The following NEDD4L variants were observed in gnomAD, a reference collection of about 807,000 sequenced individuals.
The protein encoded by NEDD4L is NEDD4 like E3 ubiquitin protein ligase.
Under a neutral mutation model 148.9 loss-of-function variants are expected in NEDD4L, and 54 were observed. That is an observed-to-expected ratio of 0.36 (90% CI 0.29 to 0.45). The LOEUF is 0.45. Ranked by LOEUF, NEDD4L falls within the 20% of genes least tolerant of loss-of-function variation. NEDD4L has a pLI of 1.00. For synonymous variants in NEDD4L, 433 were observed against 440.7 expected (o/e 0.98, Z 0.22); for missense variants, 856 against 1,233.8 (o/e 0.69, Z 4.59).
intron 5 of NEDD4L, among the ~76,000 whole-genome samples, chr18:58,311,148 C>A (rs1046784979): frequency 1.3e-5 from 2 of 152,046 alleles, no homozygotes; most frequent in African/African-American, 2.4e-5. Flanking sequence ...AAGAAATTAA[C>A]CTTAGATCAC....
intron 2 of NEDD4L, among the ~76,000 whole-genome samples, chr18:58,187,580 G>A (rs2039614492): frequency 6.6e-6 from 1 of 152,084 alleles, no homozygotes; most frequent in South Asian, 2.1e-4. Flanking sequence ...GATGAAAATA[G>A]GACTTTTTTT....
chr18:58,327,647 C>T (rs2059422307), intron 9 of NEDD4L, among the ~76,000 whole-genome samples: 1 of 152,148 alleles, frequency 6.6e-6, no homozygotes, highest in African/African-American at 2.4e-5. Flanking sequence ...TATTGGGATA[C>T]AGTATAAGTT....
intron 5 of NEDD4L, among the ~76,000 whole-genome samples, chr18:58,281,101 C>T (rs1041447651): frequency 6.6e-6 from 1 of 152,184 alleles, no homozygotes; most frequent in Non-Finnish European, 1.5e-5. Flanking sequence ...CCTCAGCCTC[C>T]TGAGTAGCTT....
intron 1 of NEDD4L, 120 bp downstream of exon 1, chr18:58,044,828 A>G: frequency 7.8e-7 from 1 of 1,277,262 alleles, no homozygotes; most frequent in South Asian, 1.7e-5. Context: ...GGGGAGCCCC[A>G]AAGCGGGAGC....
At chr18:58,191,820 TC>T (rs2064685528) in intron 2 of NEDD4L, among the ~76,000 whole-genome samples, 1 of 152,150 alleles carries the variant, frequency 6.6e-6, no homozygotes, top group Admixed American at 6.5e-5. Context: ...TCTGGGAAAC[TC>T]CAATGCTGGG....
chr18:58,296,010 A>G (rs1411964134), intron 5 of NEDD4L, among the ~76,000 whole-genome samples: 1 of 152,146 alleles, frequency 6.6e-6, no homozygotes, highest in Non-Finnish European at 1.5e-5. Context: ...GTGGGCACAC[A>G]CCAAAAGGCT....
At chr18:58,380,711 T>C (rs4940677) in intron 24 of NEDD4L, among the ~76,000 whole-genome samples, 46,470 of 151,950 alleles carry the variant, frequency 0.31, 7,367 homozygotes, top group Middle Eastern at 0.4. Context: ...TTCTTAATGC[T>C]ATCCCTCCCC....
chr18:58,151,190 A>G (rs2034684725), intron 1 of NEDD4L, among the ~76,000 whole-genome samples: 3 of 152,218 alleles, frequency 2.0e-5, no homozygotes, highest in Admixed American at 2.0e-4. Flanking sequence ...TGTCTGGTAC[A>G]GCATCCTGGA....
intron 1 of NEDD4L, among the ~76,000 whole-genome samples, chr18:58,082,703 C>CGGAGGTTGCAGTGAGT (rs1359106459): frequency 1.4e-5 from 2 of 146,566 alleles, no homozygotes; most frequent in Non-Finnish European, 3.0e-5. Flanking sequence ...ACCTGGGAAG[C>CGGAGGTTGCAGTGAGT]GGAGGTTGCA....
chr18:58,120,720 C>A (rs147832142), intron 1 of NEDD4L, among the ~76,000 whole-genome samples: 1 of 152,124 alleles, frequency 6.6e-6, no homozygotes, highest in South Asian at 2.1e-4. Flanking sequence ...GCGGAGCTTG[C>A]GGTGAGCCGA....
intron 5 of NEDD4L, among the ~76,000 whole-genome samples, chr18:58,272,819 G>C (rs2051255132): frequency 6.6e-6 from 1 of 152,170 alleles, no homozygotes; most frequent in East Asian, 1.9e-4. Flanking sequence ...TAGTACATAA[G>C]ACAGATGTGG....
At chr18:58,169,783 C>CTAT (rs2037341093) in intron 2 of NEDD4L, among the ~76,000 whole-genome samples, 1 of 152,178 alleles carries the variant, frequency 6.6e-6, no homozygotes, top group Non-Finnish European at 1.5e-5. Context: ...GTGGCCCATC[C>CTAT]TATGTTCACC....
chr18:58,138,677 G>A (rs970437966), intron 1 of NEDD4L, among the ~76,000 whole-genome samples: 2 of 152,086 alleles, frequency 1.3e-5, no homozygotes, highest in African/African-American at 4.8e-5. Flanking sequence ...TGGCATATCT[G>A]GTCTGGTGGG....
At chr18:58,071,811 T>C (rs2082885411) in intron 1 of NEDD4L, among the ~76,000 whole-genome samples, 1 of 152,200 alleles carries the variant, frequency 6.6e-6, no homozygotes, top group South Asian at 2.1e-4. Flanking sequence ...CAGGCAAGAA[T>C]AGGAGTTGTG....
chr18:58,175,589 A>G (rs959858794), intron 2 of NEDD4L, among the ~76,000 whole-genome samples: 1 of 152,210 alleles, frequency 6.6e-6, no homozygotes, highest in Non-Finnish European at 1.5e-5. Context: ...CACAACATCA[A>G]CACTAATGGC....
chr18:58,249,455 T>C (rs1273872757), intron 4 of NEDD4L, among the ~76,000 whole-genome samples: 2 of 152,210 alleles, frequency 1.3e-5, no homozygotes, highest in African/African-American at 2.4e-5. Context: ...CCTCAACCTT[T>C]TATATTTAAT....
chr18:58,325,593 A>T (rs1052161028), intron 9 of NEDD4L, among the ~76,000 whole-genome samples: 1 of 152,200 alleles, frequency 6.6e-6, no homozygotes, highest in Admixed American at 6.5e-5. Context: ...ACTCTCTTCA[A>T]TGCATTGATT....
chr18:58,072,514 T>G (rs2082919188), intron 1 of NEDD4L, among the ~76,000 whole-genome samples: 1 of 152,216 alleles, frequency 6.6e-6, no homozygotes, highest in South Asian at 2.1e-4. Flanking sequence ...AGGAAAATCA[T>G]TTGATAATAT....
chr18:58,379,775 C>T (rs1443398746), intron 24 of NEDD4L, among the ~76,000 whole-genome samples: 3 of 152,102 alleles, frequency 2.0e-5, no homozygotes, highest in African/African-American at 7.2e-5. Flanking sequence ...AAAGTGTCGC[C>T]GTAACTCATG....
Sources: allele counts gnomAD v4.1 joint callset (sites outside exome capture counted in the v4.1 genomes callset), GRCh38; gene constraint gnomAD v4.1.1; transcripts MANE v1.5; gene names NCBI Gene and HGNC (gene_info 2026-07-23, HGNC 2026-07-21).